The following PDE12 variants were observed in gnomAD, a reference collection of about 807,000 sequenced individuals.
PDE12 encodes the protein phosphodiesterase 12, also known as 2',5'-phosphodiesterase 12.
A neutral mutation model predicts 45.4 loss-of-function variants in PDE12; 26 were observed. The observed-to-expected ratio is 0.57, with a 90% confidence interval of 0.42 to 0.79. PDE12 has a LOEUF of 0.79. Ranked by LOEUF, PDE12 falls within the 30% of genes least tolerant of loss-of-function variation. The probability of loss-of-function intolerance (pLI) is 0.00; values close to 1 mark genes in which losing one functional copy is unlikely to be tolerated. For missense variants in PDE12, 668 were observed against 790.0 expected (o/e 0.85, Z 1.85); for synonymous variants, 283 against 323.9 (o/e 0.87, Z 1.36).
chr3:57,581,232 GTAATGCTGGGAATGCAAGC>G, the PDE12 span, among the ~76,000 whole-genome samples: 1 of 152,186 alleles, frequency 6.6e-6, no homozygotes, highest in African/African-American at 2.4e-5. Flanking sequence ...GAACTGATCA[GTAATGCTGGGAATGCAAGC>G]TAAGAGCTTA....
chr3:57,583,529 C>A, the PDE12 span, among the ~76,000 whole-genome samples: 3 of 152,110 alleles, frequency 2.0e-5, no homozygotes, highest in African/African-American at 7.2e-5. Context: ...AGTAACTGGG[C>A]TAAACAAAGG....
chr3:57,631,053 T>C, the PDE12 span: 1 of 1,407,080 alleles, frequency 7.1e-7, no homozygotes, highest in Non-Finnish European at 9.9e-7. Flanking sequence ...AAGGAATGGG[T>C]CTTTTAAGTT....
downstream of PDE12, among the ~76,000 whole-genome samples, chr3:57,569,891 G>A (rs1187144710): frequency 2.8e-5 from 4 of 144,940 alleles, no homozygotes; most frequent in Non-Finnish European, 1.5e-5. Flanking sequence ...TTTACATCAC[G>A]AGTAAGATTA....
chr3:57,650,945 C>T, the PDE12 span, among the ~76,000 whole-genome samples: 3 of 152,014 alleles, frequency 2.0e-5, no homozygotes, highest in East Asian at 1.9e-4. Flanking sequence ...CCACCACACC[C>T]GGCTAGTTTT....
At chr3:57,621,978 G>A in the PDE12 span, among the ~76,000 whole-genome samples, 24,641 of 151,892 alleles carry the variant, frequency 0.16, 2,675 homozygotes, top group East Asian at 0.48. Context: ...GAGTCCAAGA[G>A]CAGCCTGGCC....
At chr3:57,615,992 T>G in the PDE12 span, among the ~76,000 whole-genome samples, 1 of 151,860 alleles carries the variant, frequency 6.6e-6, no homozygotes, top group Non-Finnish European at 1.5e-5. Flanking sequence ...TTAGATGAAA[T>G]GGACAAATTT....
At chr3:57,627,064 G>T in the PDE12 span, 60 of 152,098 alleles carry the variant, frequency 3.9e-4, no homozygotes, top group African/African-American at 1.3e-3. Flanking sequence ...CTGATTATGA[G>T]ATTTATAATT....
At chr3:57,638,761 A>C in the PDE12 span, among the ~76,000 whole-genome samples, 657 of 152,240 alleles carry the variant, frequency 4.3e-3, 4 homozygotes, top group Non-Finnish European at 6.3e-3. Flanking sequence ...TGAAACCCAC[A>C]ATAAAATACT....
At chr3:57,654,568 C>A in the PDE12 span, 2 of 914,578 alleles carry the variant, frequency 2.2e-6, no homozygotes, top group Non-Finnish European at 2.6e-6. Context: ...TAGCAAATAT[C>A]ATCAAGTAAA....
At chr3:57,621,865 A>G in the PDE12 span, among the ~76,000 whole-genome samples, 2 of 151,966 alleles carry the variant, frequency 1.3e-5, no homozygotes, top group Non-Finnish European at 2.9e-5. Flanking sequence ...CTGAAAAAGA[A>G]CTAGTATCAA....
At chr3:57,591,383 A>T in the PDE12 span, among the ~76,000 whole-genome samples, 3 of 151,930 alleles carry the variant, frequency 2.0e-5, no homozygotes, top group African/African-American at 7.2e-5. Context: ...TGAGGTGCTT[A>T]TGTGAATTTA....
chr3:57,581,978 G>A, the PDE12 span, among the ~76,000 whole-genome samples: 4 of 152,150 alleles, frequency 2.6e-5, no homozygotes, highest in Non-Finnish European at 5.9e-5. Context: ...AAAACTTCCC[G>A]AGCACCAACA....
At chr3:57,637,844 C>T in the PDE12 span, among the ~76,000 whole-genome samples, 1 of 151,582 alleles carries the variant, frequency 6.6e-6, no homozygotes, top group South Asian at 2.1e-4. Flanking sequence ...ATTATAAACT[C>T]CTGTGCACAG....
chr3:57,572,495 AG>A, the PDE12 span, among the ~76,000 whole-genome samples: 1 of 151,322 alleles, frequency 6.6e-6, no homozygotes, highest in Non-Finnish European at 1.5e-5. Context: ...CGGAGATGGG[AG>A]GATCACTTGA....
rs1218875120 is a variant in PDE12, at chr3:57,563,486, T to C, written c.*3482T>C. ...CATTTACATTAGGTATTTCTCCTAA[T>C]GCTATCCCTCCCCCAGCCCTGAAAA... On this transcript the variant is annotated 3_prime_UTR_variant, in exon 3 of 3. Transcript: ENST00000311180. 2.0e-5 allele frequency: 3 copies of C among 152,218 alleles called. No individual in the cohort carries two copies. Among genetic ancestry groups the C allele is most frequent in the Non-Finnish European group, 4.4e-5 (3 of 68,036 alleles). The allele number at this position is 152,218 out of a possible 1,614,324, so 9.4% of individuals were successfully genotyped here. A position where few individuals can be genotyped will look rare whatever the true frequency, so the allele number is the denominator to read the frequency against.
chr3:57,614,419 C>T, the PDE12 span, among the ~76,000 whole-genome samples: 1 of 151,678 alleles, frequency 6.6e-6, no homozygotes, highest in Non-Finnish European at 1.5e-5. Flanking sequence ...AAGGGGATAT[C>T]TCCAAGTATT....
At chr3:57,633,344 T>C in the PDE12 span, 1 of 1,613,606 alleles carries the variant, frequency 6.2e-7, no homozygotes, top group Non-Finnish European at 8.5e-7. Flanking sequence ...AGGACGTTTC[T>C]GTTGTACACC....
At chr3:57,618,609 T>G in the PDE12 span, among the ~76,000 whole-genome samples, 1 of 111,826 alleles carries the variant, frequency 8.9e-6, no homozygotes, top group Non-Finnish European at 1.9e-5. Flanking sequence ...GCTTTTGTGT[T>G]TTTTTTTTTT....
chr3:57,580,542 C>T, the PDE12 span, among the ~76,000 whole-genome samples: 1 of 152,104 alleles, frequency 6.6e-6, no homozygotes, highest in Non-Finnish European at 1.5e-5. Flanking sequence ...GCTGGGACTA[C>T]AGGAGTATGC....
Sources: gnomAD v4.1 joint callset for allele counts (sites outside exome capture counted in the v4.1 genomes callset) on GRCh38, gnomAD v4.1.1 for gene constraint, MANE v1.5 for transcripts, NCBI Gene and HGNC (gene_info 2026-07-23, HGNC 2026-07-21) for gene names.